NRXN3: variants seen among roughly 807,000 people sequenced by gnomAD.
The protein encoded by NRXN3 is neurexin III.
Under a neutral mutation model 137.6 loss-of-function variants are expected in NRXN3, and 32 were observed. The ratio of observed to expected loss-of-function variants is 0.23; its 90% CI spans 0.18 to 0.31. The LOEUF is 0.31. Ranked by LOEUF, NRXN3 falls within the 10% of genes least tolerant of loss-of-function variation. NRXN3 has a pLI of 1.00. For synonymous variants in NRXN3, 798 were observed against 784.5 expected, an observed-to-expected ratio of 1.02 and a Z score of -0.29; for missense variants, 1,574 against 2,062.5, an observed-to-expected ratio of 0.76 and a Z score of 4.59.
intron 20 of NRXN3, among the ~76,000 whole-genome samples, chr14:79,828,350 T>A (rs886490474): frequency 2.6e-5 from 4 of 152,080 alleles, no homozygotes; most frequent in Non-Finnish European, 5.9e-5. Context: ...CTGGGCATGG[T>A]GGCTCACGCC....
Position 79,051,404 on chromosome 14 carries a change from G to A in NRXN3, c.3262+63263G>A, listed in dbSNP as rs187190852. 1.9e-4 allele frequency among the ~76,000 whole-genome samples: 29 copies of A among 152,318 alleles called. No homozygotes were observed. In the East Asian group the frequency reaches 5.2e-3, roughly 27 times the overall value. On this transcript the variant is annotated intron_variant, in intron 15 of 20. Transcript: ENST00000335750. ...ACATAAAGAAACTGAGGCAGGCGGT[G>A]TTAAAGGAACATGCCTTTAGCCGCA...
intron 1 of NRXN3, among the ~76,000 whole-genome samples, chr14:78,200,165 G>A (rs1016121818): frequency 6.6e-6 from 1 of 152,182 alleles, no homozygotes; most frequent in African/African-American, 2.4e-5. Flanking sequence ...CTGGTTTGGG[G>A]GAACTTGGTA....
chr14:78,322,226 G>T (rs541447807), intron 4 of NRXN3, among the ~76,000 whole-genome samples: 1 of 151,900 alleles, frequency 6.6e-6, no homozygotes, highest in South Asian at 2.1e-4. Flanking sequence ...AATCCTTTGG[G>T]GAAGATGCCT....
At chr14:79,370,400 C>A (rs773157651) in intron 15 of NRXN3, among the ~76,000 whole-genome samples, 4 of 148,922 alleles carry the variant, frequency 2.7e-5, no homozygotes, top group Admixed American at 6.8e-5. Flanking sequence ...CTCACTGCAA[C>A]CTCTGCCTCC....
chr14:78,325,434 A>C (rs1254137751), intron 4 of NRXN3, among the ~76,000 whole-genome samples: 2 of 152,196 alleles, frequency 1.3e-5, no homozygotes, highest in African/African-American at 4.8e-5. Context: ...CTGAATCTGT[A>C]AAATGGGAGA....
At chr14:79,708,324 C>A (rs1380999925) in intron 19 of NRXN3, among the ~76,000 whole-genome samples, 1 of 152,078 alleles carries the variant, frequency 6.6e-6, no homozygotes, top group East Asian at 1.9e-4. Flanking sequence ...AGGTTACATG[C>A]AAATACTATG....
chr14:78,631,250 C>T (rs1406009956), intron 4 of NRXN3, among the ~76,000 whole-genome samples: 2 of 152,180 alleles, frequency 1.3e-5, no homozygotes, highest in Admixed American at 6.5e-5. Context: ...AGGGATGAGC[C>T]ACCGGTCCTC....
chr14:78,882,272 G>C (rs904390496), intron 10 of NRXN3, among the ~76,000 whole-genome samples: 1 of 151,724 alleles, frequency 6.6e-6, no homozygotes, highest in Non-Finnish European at 1.5e-5. Context: ...GTCCCTACTG[G>C]GGTACTGACT....
chr14:78,732,347 G>T (rs1274650274), intron 8 of NRXN3, among the ~76,000 whole-genome samples: 1 of 152,114 alleles, frequency 6.6e-6, no homozygotes, highest in African/African-American at 2.4e-5. Flanking sequence ...AACAGGGGAG[G>T]TGCAACTAAT....
intron 4 of NRXN3, among the ~76,000 whole-genome samples, chr14:78,624,199 A>G (rs535604906): frequency 6.6e-6 from 1 of 152,362 alleles, no homozygotes; most frequent in African/African-American, 2.4e-5. Context: ...GAAAAGTCAG[A>G]ATTGGCAGTT....
intron 20 of NRXN3, among the ~76,000 whole-genome samples, chr14:79,855,528 T>C (rs1040019108): frequency 6.6e-6 from 1 of 152,182 alleles, no homozygotes; most frequent in African/African-American, 2.4e-5. Context: ...ATTTTCTTTC[T>C]ATGAAAAAGA....
intron 19 of NRXN3, among the ~76,000 whole-genome samples, chr14:79,758,075 C>T (rs950559968): frequency 6.6e-6 from 1 of 152,018 alleles, no homozygotes; most frequent in Non-Finnish European, 1.5e-5. Flanking sequence ...TTGTTTTTTA[C>T]AGGAAACTAA....
At chr14:78,567,634 C>T (rs1314601498) in intron 4 of NRXN3, among the ~76,000 whole-genome samples, 1 of 152,086 alleles carries the variant, frequency 6.6e-6, no homozygotes, top group Non-Finnish European at 1.5e-5. Flanking sequence ...AAATAGGTTT[C>T]CTGTTCTTAA....
intron 15 of NRXN3, among the ~76,000 whole-genome samples, chr14:79,131,994 C>T (rs528151099): frequency 2.1e-4 from 32 of 152,378 alleles, no homozygotes; most frequent in Non-Finnish European, 4.3e-4. Context: ...CTCCCTGACC[C>T]CTTGCGCTTC....
intron 10 of NRXN3, among the ~76,000 whole-genome samples, chr14:78,907,776 A>G (rs2099222821): frequency 6.6e-6 from 1 of 151,790 alleles, no homozygotes; most frequent in African/African-American, 2.4e-5. Context: ...ATTTTTTCTG[A>G]TTCTCTTCCT....
rs1465216867 is a variant in NRXN3, at chr14:79,772,338, A to T, written c.4015-32774A>T. Among the ~76,000 whole-genome samples, 3 of 152,218 alleles carry T rather than the reference A, an allele frequency of 2.0e-5. No individual in the cohort carries two copies. The South Asian group carries it at 6.2e-4, about 32-fold the overall frequency. ...CACCAAGTCAATCCTAAGCCAAAAG[A>T]ACAAAGCTGGAGGCATCACACTACC... is the stretch of plus-strand genomic sequence containing the variant. On this transcript the variant is annotated intron_variant, in intron 19 of 20. Transcript: ENST00000335750.
chr14:78,264,305 C>T (rs554724525), intron 2 of NRXN3, among the ~76,000 whole-genome samples: 168 of 152,312 alleles, frequency 1.1e-3, no homozygotes, highest in African/African-American at 3.9e-3. Context: ...AGAATTTCCA[C>T]TGACCCAGCC....
Position 78,988,047 on chromosome 14 carries a change from T to A in NRXN3, c.3168T>A (p.Asp1056Glu), listed in dbSNP as rs749180921. 6.8e-6 allele frequency: 11 copies of A among 1,613,868 alleles called. No homozygotes were observed. Among genetic ancestry groups the A allele is most frequent in the Non-Finnish European group, 9.3e-6 (11 of 1,179,858 alleles). ...CEGPSTTCQE[D>E]SCANQGVCMQ... ...GACCCAGTACCACCTGCCAGGAAGA[T>A]TCATGTGCCAACCAGGGGGTCTGCA... Residue 1056 changes from aspartate (D) to glutamate (E), a missense_variant, in exon 15 of 21, where the codon GAT becomes GAA. Around this residue, in one of 5 missense-constraint regions of NRXN3, gnomAD observed 718 missense variants for 887.6 expected, o/e 0.81. Transcript: ENST00000335750.
At chr14:78,661,070 A>G (rs945717446) in intron 6 of NRXN3, among the ~76,000 whole-genome samples, 1 of 152,246 alleles carries the variant, frequency 6.6e-6, no homozygotes, top group Admixed American at 6.5e-5. Flanking sequence ...TAGTGAATAA[A>G]GAAGGTTCCT....
Sources: gnomAD v4.1 joint callset for allele counts (sites outside exome capture counted in the v4.1 genomes callset) on GRCh38, gnomAD v4.1.1 for gene constraint, gnomAD v4.1.1 regional missense constraint, MANE v1.5 for transcripts, NCBI Gene and HGNC (gene_info 2026-07-23, HGNC 2026-07-21) for gene names.